ZNF492: variants seen among roughly 807,000 people sequenced by gnomAD.
ZNF492 encodes zinc finger protein 492, also known as zinc finger protein 115 (Y20).
ZNF492 carries 3 observed loss-of-function variants against 6.4 expected under a neutral mutation model. The ratio of observed to expected loss-of-function variants is 0.47; its 90% confidence interval spans 0.21 to 1.22. The LOEUF (loss-of-function observed/expected upper bound fraction) is 1.22, where lower values mean the gene tolerates loss of function less well. Ranked by LOEUF, ZNF492 falls within the 50% of genes most tolerant of loss-of-function variation. The pLI, the probability that ZNF492 is intolerant of heterozygous loss-of-function variation, is 0.22. For synonymous variants in ZNF492, 112 were observed against 205.3 expected, an observed-to-expected ratio of 0.55 and a Z score of 3.89; for missense variants, 356 against 612.5, an observed-to-expected ratio of 0.58 and a Z score of 4.42.
chr19:22,655,816 GTTTTTT>G (rs987078429), intron 3 of ZNF492, among the ~76,000 whole-genome samples: 1 of 51,786 alleles, frequency 1.9e-5, no homozygotes, highest in Admixed American at 2.2e-4. Context: ...TTTTCTTGTT[GTTTTTT>G]TTTTTTTTTT....
chr19:22,639,955 G>A (rs1312040796), intron 1 of ZNF492, among the ~76,000 whole-genome samples: 2 of 151,574 alleles, frequency 1.3e-5, no homozygotes, highest in Non-Finnish European at 2.9e-5. Flanking sequence ...ATGATTCCAG[G>A]TTATGTATAT....
chr19:22,652,080 T>TTAA (rs1212572554), intron 1 of ZNF492, among the ~76,000 whole-genome samples: 3 of 152,070 alleles, frequency 2.0e-5, no homozygotes, highest in Non-Finnish European at 4.4e-5. Context: ...GCACTTGATG[T>TTAA]TAATAACTCA....
chr19:22,663,015 T>G (rs1305374957), intron 3 of ZNF492, among the ~76,000 whole-genome samples: 1 of 152,210 alleles, frequency 6.6e-6, no homozygotes, highest in African/African-American at 2.4e-5. Context: ...TGCCCATACC[T>G]ATGTCCTGAA....
At chr19:22,661,608 T>C (rs184902608) in intron 3 of ZNF492, among the ~76,000 whole-genome samples, 2 of 152,210 alleles carry the variant, frequency 1.3e-5, no homozygotes, top group Admixed American at 1.3e-4. Context: ...CTCTTCTTTT[T>C]TTTTTGAAAC....
intron 1 of ZNF492, among the ~76,000 whole-genome samples, chr19:22,650,188 T>C (rs758612032): frequency 3.3e-5 from 5 of 152,192 alleles, no homozygotes; most frequent in Admixed American, 6.5e-5. Flanking sequence ...GTATGGTTGC[T>C]GTGGTTTGCT....
chr19:22,655,813 G>GTTTT lies in ZNF492; in HGVS notation c.130+1800_130+1801insTTTT, dbSNP rs760041910. Among the ~76,000 whole-genome samples the GTTTT allele has an allele frequency of 2.6e-4, 17 of 64,892 alleles. 2 individuals are homozygous for GTTTT. Among genetic ancestry groups the GTTTT allele is most frequent in the African/African-American group, 4.7e-4 (6 of 12,892 alleles). The allele number at this position is 64,892 out of a possible 152,430, so 42.6% of individuals were successfully genotyped here. A position where few individuals can be genotyped will look rare whatever the true frequency, so the allele number is the denominator to read the frequency against. ...GCAAACACCTCTTCAAGTTTTTCTT[G>GTTTT]TTGTTTTTTTTTTTTTTTTTTTTTT... On this transcript the variant is annotated intron_variant, in intron 3 of 3. Coordinates refer to ENST00000456783, the MANE Select transcript of ZNF492 (RefSeq NM_020855.3).
At chr19:22,658,225 A>C (rs1972016912) in intron 3 of ZNF492, among the ~76,000 whole-genome samples, 1 of 151,984 alleles carries the variant, frequency 6.6e-6, no homozygotes, top group Non-Finnish European at 1.5e-5. Flanking sequence ...GCTTGAGAAC[A>C]TCCTGGAAGA....
In ZNF492 at chr19:22,665,344, T is replaced by G; in HGVS notation, c.*79T>G. ...TAAGGTAATTCATTCTGGAGAAAAC[T>G]TCTACAAGTGTGAATGAACAGTGTG... is the stretch of plus-strand genomic sequence containing the variant. On this transcript the variant is annotated 3_prime_UTR_variant, in exon 4 of 4. Transcript: ENST00000456783. 1 of 1,498,320 alleles carries G rather than the reference T, an allele frequency of 6.7e-7. No homozygotes were observed. Among genetic ancestry groups the G allele is most frequent in the Non-Finnish European group, 8.9e-7 (1 of 1,124,288 alleles). 92.8% of individuals were successfully genotyped at this position (1,498,320 alleles called of 1,614,324 possible). A position where few individuals can be genotyped will look rare whatever the true frequency, so the allele number is the denominator to read the frequency against.
rs755641720 is a variant in ZNF492 at position 22,665,158 on chromosome 19, A to G, written c.1489A>G (p.Met497Val). 19 of 1,611,244 alleles carry G rather than the reference A, an allele frequency of 1.2e-5. No individual in the cohort carries two copies. The highest frequency in any genetic ancestry group is 3.3e-4 in the Middle Eastern group (2 of 6,066). Residue 497 changes from methionine (M) to valine (V), a missense_variant, in exon 4 of 4, where the codon ATG (methionine) becomes GTG (valine). By Grantham distance (21) the Met-to-Val change is conservative. Around this residue, in one of 7 missense-constraint regions of ZNF492, gnomAD observed 81 missense variants for 115.4 expected, o/e 0.70. Transcript: ENST00000456783. The stretch of plus-strand genomic sequence containing the variant: ...CTCCTCTATTCTTAACAGACATAAG[A>G]TGATTCATACTGGAGAGAAACTCTA... The part of the protein sequence containing the change: ...NNSSILNRHK[M>V]IHTGEKLYKP...
rs546956104 is a variant in ZNF492 at position 22,660,355 on chromosome 19, T to C, written c.131-3445T>C. On this transcript the variant is annotated intron_variant, in intron 3 of 3. Transcript: ENST00000456783. ...TCTCATTTTCTCTCTTTGTGTCTTT[T>C]TGATTTTTGTATTGATATGCTTTTA... Among the ~76,000 whole-genome samples, 110 of 152,222 alleles carry C rather than the reference T, an allele frequency of 7.2e-4. 1 individual carries two copies. The highest frequency in any genetic ancestry group is 1.1e-3 in the Non-Finnish European group (74 of 68,010).
At chr19:22,659,284 C>A (rs1029358713) in intron 3 of ZNF492, among the ~76,000 whole-genome samples, 1 of 148,310 alleles carries the variant, frequency 6.7e-6, no homozygotes, top group African/African-American at 2.6e-5. Context: ...ACTTAATTTT[C>A]TTCTTTTTGT....
intron 1 of ZNF492, among the ~76,000 whole-genome samples, chr19:22,636,978 A>G (rs1971775032): frequency 8.8e-6 from 1 of 113,346 alleles, no homozygotes; most frequent in African/African-American, 3.8e-5. Context: ...TTTTTTTGAG[A>G]CGGAGTCTAG....
intron 2 of ZNF492, 109 bp downstream of exon 2, chr19:22,653,542 T>TG (rs1971963826): frequency 7.0e-7 from 1 of 1,428,138 alleles, no homozygotes; most frequent in Non-Finnish European, 9.5e-7. Flanking sequence ...TGTTTTTTGT[T>TG]TTTAACTTCA....
intron 1 of ZNF492, among the ~76,000 whole-genome samples, chr19:22,651,266 C>T (rs1971937385): frequency 6.6e-6 from 1 of 151,910 alleles, no homozygotes; most frequent in African/African-American, 2.4e-5. Context: ...ACCTGGATAC[C>T]TCAGGTGCCA....
At chr19:22,645,000 G>A (rs187478524) in intron 1 of ZNF492, among the ~76,000 whole-genome samples, 4 of 152,012 alleles carry the variant, frequency 2.6e-5, no homozygotes, top group Admixed American at 6.6e-5. Flanking sequence ...TTCTTTTCAT[G>A]TGTGTTGGCT....
chr19:22,649,543 C>T (rs773818661), intron 1 of ZNF492, among the ~76,000 whole-genome samples: 2 of 151,910 alleles, frequency 1.3e-5, no homozygotes, highest in Non-Finnish European at 2.9e-5. Flanking sequence ...TTTCCATTCT[C>T]CCCCTTTCCT....
chr19:22,638,079 T>C (rs979976520), intron 1 of ZNF492, among the ~76,000 whole-genome samples: 1 of 152,180 alleles, frequency 6.6e-6, no homozygotes, highest in Non-Finnish European at 1.5e-5. Context: ...TTCCTGTAAC[T>C]TGTTTAAGTT....
intron 3 of ZNF492, among the ~76,000 whole-genome samples, chr19:22,659,687 A>G (rs1972037801): frequency 1.5e-5 from 2 of 137,372 alleles, no homozygotes; most frequent in African/African-American, 2.7e-5. Context: ...TTTTTTTGAG[A>G]CAGAGTCTCA....
intron 3 of ZNF492, among the ~76,000 whole-genome samples, chr19:22,658,979 G>A (rs140458665): frequency 0.014 from 2,152 of 149,454 alleles, 1 homozygote; most frequent in East Asian, 0.048. Flanking sequence ...AATATTTTTG[G>A]GTACTTTATT....
Sources: allele counts gnomAD v4.1 joint callset (sites outside exome capture counted in the v4.1 genomes callset), GRCh38; gene constraint gnomAD v4.1.1; regional missense constraint gnomAD v4.1.1; transcripts MANE v1.5; gene names NCBI Gene and HGNC (gene_info 2026-07-23, HGNC 2026-07-21).